EEA1: variants seen among roughly 807,000 people sequenced by gnomAD.
The protein encoded by EEA1 is early endosome antigen 1, 162kD.
EEA1 carries 111 observed loss-of-function variants against 209.2 expected under a neutral mutation model. The ratio of observed to expected loss-of-function variants is 0.53; its 90% confidence interval spans 0.45 to 0.62. The LOEUF is 0.62. Ranked by LOEUF, EEA1 falls within the 20% of genes least tolerant of loss-of-function variation. EEA1 has a pLI of 0.00. For missense variants in EEA1, 1,343 were observed against 1,530.8 expected (o/e 0.88, Z 2.05); for synonymous variants, 536 against 540.6 (o/e 0.99, Z 0.12).
At chr12:92,843,167 A>AT (rs1031210300) in intron 9 of EEA1, among the ~76,000 whole-genome samples, 4 of 151,432 alleles carry the variant, frequency 2.6e-5, no homozygotes, top group Admixed American at 6.6e-5. Flanking sequence ...AATTATTATT[A>AT]TTTTTTTTTA....
At chr12:92,818,378 A>T (rs75104162) in intron 14 of EEA1, among the ~76,000 whole-genome samples, 3,718 of 152,212 alleles carry the variant, frequency 0.024, 169 homozygotes, top group African/African-American at 0.084. Flanking sequence ...CTATTGTCCA[A>T]TGTCTGAAAA....
chr12:92,857,051 C>T (rs1297969572), intron 5 of EEA1, among the ~76,000 whole-genome samples: 1 of 151,910 alleles, frequency 6.6e-6, no homozygotes, highest in East Asian at 1.9e-4. Flanking sequence ...GGATTACAGG[C>T]GTGGGCCCAT....
At position 92,895,471 on chromosome 12, in the gene EEA1, C is replaced by T. The variant is rs1201211988; in HGVS notation, c.25-3750G>A. 3.3e-5 allele frequency: 5 copies of T among 151,456 alleles called. No individual in the cohort carries two copies. In the East Asian group the frequency reaches 9.9e-4, roughly 30 times the overall value. The allele number at this position is 151,456 out of a possible 1,614,324, so 9.4% of individuals were successfully genotyped here. On this transcript the variant is annotated intron_variant, in intron 1 of 28. Coordinates refer to ENST00000322349, the MANE Select transcript of EEA1 (RefSeq NM_003566.4). ...TGAGCCACTGTGCCTGGCTGGATGA[C>T]TGAATATTTTAAGCCCACTATTAAG...
At chr12:92,799,140 G>T (rs571377445) in intron 20 of EEA1, 54 bp from the exon 21 acceptor site, 2 of 1,412,340 alleles carry the variant, frequency 1.4e-6, no homozygotes, top group Non-Finnish European at 9.3e-7. Flanking sequence ...AAAAGACGAT[G>T]TACTGAGTAA....
intron 21 of EEA1, among the ~76,000 whole-genome samples, chr12:92,794,388 C>A (rs1874555249): frequency 6.6e-6 from 1 of 152,142 alleles, no homozygotes; most frequent in African/African-American, 2.4e-5. Context: ...GGGTAAATAT[C>A]CAAAGGATTA....
At chr12:92,853,988 T>A in intron 5 of EEA1, 34 bp from the exon 6 acceptor site, 1 of 1,495,304 alleles carries the variant, frequency 6.7e-7, no homozygotes, top group South Asian at 1.3e-5. Flanking sequence ...ACAAATGAAT[T>A]AAAAGGAAAA....
chr12:92,889,236 C>G (rs1879558917), intron 2 of EEA1, among the ~76,000 whole-genome samples: 1 of 150,186 alleles, frequency 6.7e-6, no homozygotes, highest in South Asian at 2.1e-4. Context: ...CTAAACCCAG[C>G]AATGTACTCC....
At chr12:92,918,520 A>C (rs925263502) in intron 1 of EEA1, among the ~76,000 whole-genome samples, 3 of 132,404 alleles carry the variant, frequency 2.3e-5, no homozygotes, top group Non-Finnish European at 4.8e-5. Context: ...AAATGAAGGC[A>C]GAAATAAACA....
intron 16 of EEA1, among the ~76,000 whole-genome samples, chr12:92,811,838 C>T (rs1264047260): frequency 6.6e-6 from 1 of 150,470 alleles, no homozygotes; most frequent in African/African-American, 2.4e-5. Context: ...CTTTTCAATT[C>T]ATTTGGAATA....
At chr12:92,862,554 C>A (rs1934884077) in intron 3 of EEA1, among the ~76,000 whole-genome samples, 1 of 151,638 alleles carries the variant, frequency 6.6e-6, no homozygotes, top group Non-Finnish European at 1.5e-5. Flanking sequence ...TATGACTATA[C>A]CAGCCTGGAA....
intron 2 of EEA1, among the ~76,000 whole-genome samples, chr12:92,874,194 A>C (rs1352034750): frequency 6.6e-6 from 1 of 151,774 alleles, no homozygotes; most frequent in African/African-American, 2.4e-5. Flanking sequence ...GGTGGCATGC[A>C]CCTATAGTCC....
chr12:92,780,120 A>G (rs1329729543), intron 24 of EEA1, among the ~76,000 whole-genome samples, 160 bp downstream of exon 24: 1 of 152,168 alleles, frequency 6.6e-6, no homozygotes, highest in Non-Finnish European at 1.5e-5. Flanking sequence ...GTATTATGCA[A>G]TACAAAAGCA....
chr12:92,779,342 T>A, intron 24 of EEA1, 42 bp from the exon 25 acceptor site: 1 of 1,526,488 alleles, frequency 6.6e-7, no homozygotes, highest in South Asian at 1.3e-5. Context: ...TCCTTCATAG[T>A]AAATATTTCA....
intron 21 of EEA1, among the ~76,000 whole-genome samples, chr12:92,793,067 G>A (rs944948969): frequency 1.3e-5 from 2 of 152,018 alleles, no homozygotes; most frequent in African/African-American, 2.4e-5. Flanking sequence ...AAAGGCCCTC[G>A]ACAAAATTCA....
At chr12:92,863,520 C>T (rs1878240819) in intron 3 of EEA1, among the ~76,000 whole-genome samples, 1 of 152,238 alleles carries the variant, frequency 6.6e-6, no homozygotes, top group Admixed American at 6.5e-5. Context: ...CCAACACAGA[C>T]TTCCAGCCAT....
At chr12:92,869,367 T>C (rs1483622691) in intron 2 of EEA1, among the ~76,000 whole-genome samples, 1 of 152,142 alleles carries the variant, frequency 6.6e-6, no homozygotes, top group African/African-American at 2.4e-5. Flanking sequence ...TCTGTAATCC[T>C]TTCTCATATC....
At chr12:92,880,665 C>T (rs1341429859) in intron 2 of EEA1, among the ~76,000 whole-genome samples, 1 of 152,036 alleles carries the variant, frequency 6.6e-6, no homozygotes, top group African/African-American at 2.4e-5. Context: ...TTAGTAGAGA[C>T]GGGGTTTCAC....
intron 1 of EEA1, among the ~76,000 whole-genome samples, chr12:92,915,221 C>G (rs1174283198): frequency 6.6e-6 from 1 of 152,146 alleles, no homozygotes; most frequent in Non-Finnish European, 1.5e-5. Flanking sequence ...AATCCCAGCA[C>G]TTTGGGATGC....
At chr12:92,825,386 G>A (rs989518861) in intron 13 of EEA1, among the ~76,000 whole-genome samples, 4 of 151,778 alleles carry the variant, frequency 2.6e-5, no homozygotes, top group East Asian at 1.9e-4. Context: ...CCCAGGAGGC[G>A]GAGCTTGCAG....
Sources: gnomAD v4.1 joint callset for allele counts (sites outside exome capture counted in the v4.1 genomes callset) on GRCh38, gnomAD v4.1.1 for gene constraint, MANE v1.5 for transcripts, NCBI Gene and HGNC (gene_info 2026-07-23, HGNC 2026-07-21) for gene names.